PPARGC1A: variants seen among roughly 807,000 people sequenced by gnomAD.
PPARGC1A encodes PPARG coactivator 1 alpha.
PPARGC1A carries 25 observed loss-of-function variants against 88.7 expected under a neutral mutation model. That is an observed-to-expected ratio of 0.28 (90% CI 0.21 to 0.39). The LOEUF (loss-of-function observed/expected upper bound fraction) is 0.39. Ranked by LOEUF, PPARGC1A falls within the 10% of genes least tolerant of loss-of-function variation. The pLI is 1.00. For synonymous variants in PPARGC1A, 363 were observed against 355.6 expected (o/e 1.02, Z -0.24); for missense variants, 880 against 968.7 (o/e 0.91, Z 1.22).
At chr4:23,967,536 T>C in the PPARGC1A span, among the ~76,000 whole-genome samples, 1 of 152,108 alleles carries the variant, frequency 6.6e-6, no homozygotes, top group Admixed American at 6.5e-5. Flanking sequence ...CCTCGGAGTG[T>C]CAGGTTCAAG....
chr4:24,308,801 C>T, the PPARGC1A span, among the ~76,000 whole-genome samples: 1 of 152,130 alleles, frequency 6.6e-6, no homozygotes, highest in Non-Finnish European at 1.5e-5. Context: ...CATTTTACTT[C>T]CTTGTGTCAC....
chr4:24,319,503 CTTAG>C, the PPARGC1A span, among the ~76,000 whole-genome samples: 19 of 152,038 alleles, frequency 1.2e-4, no homozygotes, highest in African/African-American at 4.6e-4. Context: ...CGTGGATCTC[CTTAG>C]TTAGCTTGGG....
the PPARGC1A span, among the ~76,000 whole-genome samples, chr4:24,063,040 C>T: frequency 6.6e-6 from 1 of 152,154 alleles, no homozygotes; most frequent in African/African-American, 2.4e-5. Context: ...TTTGGAAGAT[C>T]TTCTCATCTT....
chr4:24,387,818 A>AAGAGAAAGAGAGAAAGAG, the PPARGC1A span, among the ~76,000 whole-genome samples: 1 of 81,076 alleles, frequency 1.2e-5, no homozygotes, highest in African/African-American at 4.8e-5. Context: ...GAAAGAAAGA[A>AAGAGAAAGAGAGAAAGAG]AGAAAGAGAG....
At chr4:24,172,314 C>T in the PPARGC1A span, among the ~76,000 whole-genome samples, 1 of 152,228 alleles carries the variant, frequency 6.6e-6, no homozygotes, top group South Asian at 2.1e-4. Context: ...ACTCCATCCC[C>T]TGGCCAAAGA....
At chr4:24,097,433 G>A in the PPARGC1A span, among the ~76,000 whole-genome samples, 1 of 152,040 alleles carries the variant, frequency 6.6e-6, no homozygotes, top group East Asian at 1.9e-4. Flanking sequence ...TACTGCCCAC[G>A]TTATACATTT....
At chr4:24,011,344 G>A in the PPARGC1A span, among the ~76,000 whole-genome samples, 2 of 151,948 alleles carry the variant, frequency 1.3e-5, no homozygotes, top group African/African-American at 4.8e-5. Context: ...CCCCAATTAT[G>A]CATTTACAGA....
the PPARGC1A span, among the ~76,000 whole-genome samples, chr4:23,981,998 G>A: frequency 6.6e-6 from 1 of 152,132 alleles, no homozygotes; most frequent in Non-Finnish European, 1.5e-5. Context: ...CCAGAATTAA[G>A]CAGAAAAAGA....
At chr4:24,291,554 G>T in the PPARGC1A span, among the ~76,000 whole-genome samples, 1 of 152,104 alleles carries the variant, frequency 6.6e-6, no homozygotes, top group African/African-American at 2.4e-5. Flanking sequence ...AGGGGTAGGT[G>T]GTTTTATCCT....
the PPARGC1A span, among the ~76,000 whole-genome samples, chr4:24,174,068 G>T: frequency 6.6e-6 from 1 of 152,178 alleles, no homozygotes; most frequent in Non-Finnish European, 1.5e-5. Flanking sequence ...GCTGAGCCAC[G>T]CTGTGATGGT....
At chr4:24,183,672 C>T in the PPARGC1A span, among the ~76,000 whole-genome samples, 2 of 152,164 alleles carry the variant, frequency 1.3e-5, no homozygotes, top group Admixed American at 6.5e-5. Context: ...ATCATGTGCA[C>T]TGGTTTCCCT....
chr4:24,418,394 T>C, the PPARGC1A span, among the ~76,000 whole-genome samples: 7 of 152,286 alleles, frequency 4.6e-5, no homozygotes, highest in African/African-American at 1.7e-4. Flanking sequence ...CATTTATCTA[T>C]GGGTAGAACA....
At chr4:24,451,568 T>TTTGTTG in the PPARGC1A span, among the ~76,000 whole-genome samples, 2 of 151,974 alleles carry the variant, frequency 1.3e-5, no homozygotes, top group African/African-American at 4.8e-5. Context: ...TGGGTTGTCT[T>TTTGTTG]TTGTTGTTGT....
At chr4:24,400,292 G>T in the PPARGC1A span, among the ~76,000 whole-genome samples, 1 of 152,106 alleles carries the variant, frequency 6.6e-6, no homozygotes, top group Admixed American at 6.5e-5. Flanking sequence ...TAACCTGGTG[G>T]GCACAATCTA....
chr4:24,340,583 TA>T, the PPARGC1A span, among the ~76,000 whole-genome samples: 3 of 152,142 alleles, frequency 2.0e-5, no homozygotes, highest in African/African-American at 4.8e-5. Context: ...TTAATGTCCA[TA>T]AAATGACTAT....
At chr4:23,899,409 A>G (rs141491690), upstream of PPARGC1A, 2 of 152,320 alleles carry the variant, frequency 1.3e-5, no homozygotes, top group Admixed American at 6.5e-5. Flanking sequence ...CTGACGCACC[A>G]TATTTCAGCT....
At chr4:23,922,494 G>A in the PPARGC1A span, among the ~76,000 whole-genome samples, 49 of 152,296 alleles carry the variant, frequency 3.2e-4, no homozygotes, top group Admixed American at 5.9e-4. Flanking sequence ...AAGAGAGTTG[G>A]TTTTATTAGT....
intron 1 of PPARGC1A, among the ~76,000 whole-genome samples, chr4:23,887,140 T>C (rs1717051847): frequency 6.6e-6 from 1 of 152,232 alleles, no homozygotes; most frequent in African/African-American, 2.4e-5. Context: ...GGTCAATTTG[T>C]TGTATTGGTG....
chr4:23,980,892 T>A, the PPARGC1A span, among the ~76,000 whole-genome samples: 2 of 152,132 alleles, frequency 1.3e-5, no homozygotes, highest in African/African-American at 4.8e-5. Context: ...CAAGTTTCTG[T>A]CTCCTGCCTT....
Sources: allele counts gnomAD v4.1 joint callset (sites outside exome capture counted in the v4.1 genomes callset), GRCh38; gene constraint gnomAD v4.1.1; transcripts MANE v1.5; gene names NCBI Gene and HGNC (gene_info 2026-07-23, HGNC 2026-07-21).